The following IWS1 variants were observed in gnomAD, a reference collection of about 807,000 sequenced individuals.
IWS1 encodes the protein interacts with SUPT6H, CTD assembly factor 1.
IWS1 carries 27 observed loss-of-function variants against 86.7 expected under a neutral mutation model. The observed-to-expected ratio is 0.31, with a 90% CI of 0.23 to 0.43. IWS1 has a LOEUF of 0.43. Ranked by LOEUF, IWS1 falls within the 20% of genes least tolerant of loss-of-function variation. The pLI is 1.00. For missense variants in IWS1, 827 were observed against 1,000.8 expected, an observed-to-expected ratio of 0.83 and a Z score of 2.34; for synonymous variants, 313 against 335.1, an observed-to-expected ratio of 0.93 and a Z score of 0.72.
At chr2:127,511,346 T>C (rs1379907393) in intron 2 of IWS1, 1 of 152,210 alleles carries the variant, frequency 6.6e-6, no homozygotes, top group Non-Finnish European at 1.5e-5. Context: ...AGGAATACTA[T>C]CTATACCGTA....
rs1486683688 is a variant in IWS1, at chr2:127,483,577, G to GC, written c.2329-2403_2329-2402insG. Among the ~76,000 whole-genome samples, 3 of 47,594 alleles carry GC rather than the reference G, an allele frequency of 6.3e-5. 1 individual carries two copies. Among genetic ancestry groups the GC allele is most frequent in the Non-Finnish European group, 1.2e-4 (3 of 25,510 alleles). 31.2% of individuals were successfully genotyped at this position (47,594 alleles called of 152,430 possible). On this transcript the variant is annotated intron_variant, in intron 13 of 13. Coordinates refer to ENST00000295321, the MANE Select transcript of IWS1 (RefSeq NM_017969.3). Reference sequence around the variant, plus strand: ...ACCAAAATTATAATTTGGTCGGGGCGGGGGGTGGTGGGGTGGGGGGGTTGG... The same window carrying GC: ...ACCAAAATTATAATTTGGTCGGGGCGCGGGGGTGGTGGGGTGGGGGGGTTGG...
intron 2 of IWS1, among the ~76,000 whole-genome samples, chr2:127,510,007 AG>A (rs1233970386): frequency 1.3e-5 from 2 of 152,224 alleles, no homozygotes; most frequent in Non-Finnish European, 2.9e-5. Context: ...CAAATAACTC[AG>A]GACACTTTGT....
chr2:127,483,091 A>T (rs1689719193), intron 13 of IWS1: 1 of 152,236 alleles, frequency 6.6e-6, no homozygotes, highest in South Asian at 2.1e-4. Context: ...GTATGAAAAA[A>T]AAAGAAATAA....
intron 9 of IWS1, among the ~76,000 whole-genome samples, chr2:127,492,298 A>G (rs1690269748): frequency 6.6e-6 from 1 of 152,082 alleles, no homozygotes; most frequent in African/African-American, 2.4e-5. Context: ...TAATCCCAGC[A>G]CTTTGGGAGG....
intron 9 of IWS1, 30 bp from the exon 10 acceptor site, chr2:127,492,118 TA>T (rs1260827831): frequency 7.1e-7 from 1 of 1,414,144 alleles, no homozygotes; most frequent in South Asian, 1.1e-5. Context: ...ACACACATAT[TA>T]ATCACTCGGA....
intron 13 of IWS1, among the ~76,000 whole-genome samples, chr2:127,483,631 C>T (rs12470154): frequency 3.3e-4 from 13 of 39,876 alleles, no homozygotes; most frequent in Middle Eastern, 0.015. Context: ...TGTGCGTGTG[C>T]GTGTGTGTGT....
Position 127,480,870 on chromosome 2 carries a change from A to G in IWS1, c.*174T>C. ...AGAAGTATGACTAGTATTCCTTTGT[A>G]CAAAGTACACAACGGTTTTAAATAT... is the stretch of plus-strand genomic sequence containing the variant. On this transcript the variant is annotated 3_prime_UTR_variant, in exon 14 of 14. Transcript: ENST00000295321. The G allele has an allele frequency of 1.6e-6, 1 of 620,846 alleles. No homozygotes were observed. Among genetic ancestry groups the G allele is most frequent in the Non-Finnish European group, 2.6e-6 (1 of 382,898 alleles). The allele number at this position is 620,846 out of a possible 1,614,324, so 38.5% of individuals were successfully genotyped here.
chr2:127,523,846 A>G lies in IWS1; in HGVS notation c.35-55T>C, dbSNP rs1692242551. The G allele has an allele frequency of 5.9e-6, 7 of 1,180,442 alleles. No individual in the cohort carries two copies. The East Asian group carries it at 1.2e-4, about 20-fold the overall frequency. The allele number at this position is 1,180,442 out of a possible 1,614,324, so 73.1% of individuals were successfully genotyped here. ...ATGGTGTAAGATGAATGACATCTAC[A>G]GTGAAATGAACACACTGAATCAAGA... is the stretch of plus-strand genomic sequence containing the variant. On this transcript the variant is annotated intron_variant, in intron 1 of 13. Transcript: ENST00000295321.
intron 13 of IWS1, among the ~76,000 whole-genome samples, chr2:127,483,605 T>TGGGGG (rs1689767275): frequency 5.6e-4 from 1 of 1,792 alleles, no homozygotes; most frequent in Non-Finnish European, 4.9e-3. Context: ...GGGGTTGGGC[T>TGGGGG]GTGTGTGTGT....
intron 2 of IWS1, among the ~76,000 whole-genome samples, chr2:127,518,204 T>C (rs918542270): frequency 3.9e-5 from 6 of 152,204 alleles, no homozygotes; most frequent in African/African-American, 1.4e-4. Context: ...TTGTATAGTA[T>C]GTAAATTGAT....
At chr2:127,493,213 C>G in intron 9 of IWS1, 68 bp downstream of exon 9, 1 of 1,389,396 alleles carries the variant, frequency 7.2e-7, no homozygotes, top group Admixed American at 2.6e-5. Context: ...CTGTAAACTA[C>G]ACAGGTTATG....
At chr2:127,492,503 G>A (rs1269934590) in intron 9 of IWS1, among the ~76,000 whole-genome samples, 1 of 151,696 alleles carries the variant, frequency 6.6e-6, no homozygotes, top group East Asian at 1.9e-4. Context: ...CCGAGGTGGT[G>A]CCACTGCACT....
At chr2:127,500,540 C>A (rs1690747321) in intron 5 of IWS1, among the ~76,000 whole-genome samples, 1 of 152,074 alleles carries the variant, frequency 6.6e-6, no homozygotes, top group Non-Finnish European at 1.5e-5. Flanking sequence ...ATAGATACCA[C>A]AACAATTTTC....
Position 127,493,371 on chromosome 2 carries a change from C to T in IWS1, c.1839G>A (p.Met613Ile). The change falls in exon 9 of 14, where the codon ATG (methionine) becomes ATA (isoleucine). Residue 613 changes from methionine (M) to isoleucine (I), a missense_variant. Met to Ile is a conservative substitution (Grantham distance 10). Transcript: ENST00000295321. ...LKETFIDSGV[M>I]SAIKEWLSPL... is the part of the protein sequence containing the mutation. The stretch of plus-strand genomic sequence containing the variant: ...GTGAGAGCCATTCTTTGATGGCAGA[C>T]ATCACACCACTGTCAATGAATGTTT... 1 of 1,612,896 alleles carries T rather than the reference C, an allele frequency of 6.2e-7. No homozygotes were observed. Among genetic ancestry groups the T allele is most frequent in the Non-Finnish European group, 8.5e-7 (1 of 1,179,610 alleles).
intron 2 of IWS1, among the ~76,000 whole-genome samples, chr2:127,508,358 A>G (rs1298267726): frequency 1.3e-5 from 2 of 152,214 alleles, no homozygotes; most frequent in South Asian, 2.1e-4. Flanking sequence ...GCTGCAAAAA[A>G]AAGGTGTGCA....
chr2:127,526,932 C>T (rs924301200), upstream of IWS1: 3 of 279,650 alleles, frequency 1.1e-5, no homozygotes, highest in South Asian at 6.0e-5. Flanking sequence ...CGATCCACAG[C>T]GCCTCCTCTC....
chr2:127,503,050 T>A (rs1690902879), intron 4 of IWS1, among the ~76,000 whole-genome samples, 178 bp from the exon 5 acceptor site: 1 of 152,178 alleles, frequency 6.6e-6, no homozygotes, highest in Non-Finnish European at 1.5e-5. Flanking sequence ...TCATGTAGCC[T>A]CCCCAGAAAG....
intron 1 of IWS1, among the ~76,000 whole-genome samples, chr2:127,525,824 C>A (rs542115131): frequency 3.9e-5 from 6 of 152,200 alleles, no homozygotes; most frequent in Non-Finnish European, 8.8e-5. Context: ...AGGAAGGATC[C>A]CCCGCCCCAA....
At position 127,494,804 on chromosome 2, in the gene IWS1, C is replaced by T. The variant is rs190049038; in HGVS notation, c.1799+68G>A. ...TCATTATTTAATATTCCTAGAACAC[C>T]AGTACATCATTTGAATTATCATTCC... is the stretch of plus-strand genomic sequence containing the variant. On this transcript the variant is annotated intron_variant, in intron 8 of 13. Transcript: ENST00000295321. The T allele has an allele frequency of 3.4e-4, 281 of 825,226 alleles. 3 individuals carry two copies. The East Asian group carries it at 6.5e-3, about 19-fold the overall frequency. 51.1% of individuals were successfully genotyped at this position (825,226 alleles called of 1,614,324 possible). A position where few individuals can be genotyped will look rare whatever the true frequency, so the allele number is the denominator to read the frequency against.
Sources: gnomAD v4.1 joint callset for allele counts (sites outside exome capture counted in the v4.1 genomes callset) on GRCh38, gnomAD v4.1.1 for gene constraint, MANE v1.5 for transcripts, NCBI Gene and HGNC (gene_info 2026-07-23, HGNC 2026-07-21) for gene names.